Variants in NRG3 observed in about 807,000 individuals in gnomAD.
NRG3 encodes neuregulin 3, also known as pro-neuregulin-3, membrane-bound isoform.
Under a neutral mutation model 66.9 loss-of-function variants are expected in NRG3, and 31 were observed. The observed-to-expected ratio is 0.46, with a 90% confidence interval of 0.35 to 0.63. The LOEUF (loss-of-function observed/expected upper bound fraction) is 0.63, where lower values mean the gene tolerates loss of function less well. Ranked by LOEUF, NRG3 falls within the 20% of genes least tolerant of loss-of-function variation. NRG3 has a pLI of 0.00. For synonymous variants in NRG3, 393 were observed against 359.4 expected (o/e 1.09, Z -1.06); for missense variants, 910 against 878.9 (o/e 1.04, Z -0.45).
chr10:82,709,432 A>T (rs1265480893), intron 2 of NRG3, among the ~76,000 whole-genome samples: 3 of 151,496 alleles, frequency 2.0e-5, no homozygotes, highest in African/African-American at 7.3e-5. Context: ...ACCAGGCTGG[A>T]GTGCTGTGGC....
At chr10:82,871,301 A>G (rs189803655) in intron 4 of NRG3, among the ~76,000 whole-genome samples, 2 of 149,740 alleles carry the variant, frequency 1.3e-5, no homozygotes, top group East Asian at 2.0e-4. Context: ...TTTTTTGCCA[A>G]TACTATACTA....
intron 1 of NRG3, among the ~76,000 whole-genome samples, chr10:82,083,446 G>A (rs942391944): frequency 6.6e-6 from 1 of 152,164 alleles, no homozygotes; most frequent in East Asian, 1.9e-4. Context: ...GCTCATACCT[G>A]GGGATACAGA....
At chr10:82,231,162 G>T (rs919270212) in intron 1 of NRG3, among the ~76,000 whole-genome samples, 2 of 152,092 alleles carry the variant, frequency 1.3e-5, no homozygotes, top group Non-Finnish European at 2.9e-5. Flanking sequence ...GGCCAATATG[G>T]TGAAACCCCG....
chr10:82,550,242 A>C (rs1477678728), intron 2 of NRG3, among the ~76,000 whole-genome samples: 1 of 152,164 alleles, frequency 6.6e-6, no homozygotes, highest in Non-Finnish European at 1.5e-5. Flanking sequence ...AACATTTAAA[A>C]AATTTTTCCT....
In NRG3 at chr10:81,963,125, C is replaced by CCT. The variant is rs2059586479; in HGVS notation, c.823+86962_823+86963insCT. 4.3e-5 allele frequency among the ~76,000 whole-genome samples: 3 copies of CCT among 70,122 alleles called. 1 individual carries two copies. Among genetic ancestry groups the CCT allele is most frequent in the African/African-American group, 1.9e-4 (3 of 15,646 alleles). 46.0% of individuals were successfully genotyped at this position (70,122 alleles called of 152,430 possible). A position where few individuals can be genotyped will look rare whatever the true frequency, so the allele number is the denominator to read the frequency against. On this transcript the variant is annotated intron_variant, in intron 1 of 8. Transcript: ENST00000372141. ...GAAAATATGATCTGCCACGAGGGCT[C>CCT]TTTTTTTTTTTTTTTTTTTTTTTTT...
intron 1 of NRG3, among the ~76,000 whole-genome samples, chr10:81,984,688 CTA>C: frequency 6.6e-6 from 1 of 152,258 alleles, no homozygotes; most frequent in South Asian, 2.1e-4. Flanking sequence ...GCATTATCTT[CTA>C]TGTTTCAAAG....
chr10:81,884,673 A>G (rs1265342271), intron 1 of NRG3, among the ~76,000 whole-genome samples: 1 of 152,182 alleles, frequency 6.6e-6, no homozygotes, highest in Non-Finnish European at 1.5e-5. Context: ...CTTAGGTTAT[A>G]TGCAAATACC....
chr10:82,302,775 C>T (rs2080476087), intron 1 of NRG3, among the ~76,000 whole-genome samples: 1 of 152,138 alleles, frequency 6.6e-6, no homozygotes, highest in Non-Finnish European at 1.5e-5. Context: ...CAAGAAAGGA[C>T]GTTTGCCCCA....
At chr10:82,377,155 A>C (rs1253661835) in intron 2 of NRG3, among the ~76,000 whole-genome samples, 1 of 151,936 alleles carries the variant, frequency 6.6e-6, no homozygotes, top group Non-Finnish European at 1.5e-5. Context: ...TTTTTCTTTA[A>C]TAGTGAATGC....
chr10:82,113,735 G>A (rs1256050827), intron 1 of NRG3, among the ~76,000 whole-genome samples: 1 of 152,142 alleles, frequency 6.6e-6, no homozygotes, highest in African/African-American at 2.4e-5. Flanking sequence ...CACTAGGTAA[G>A]ATGTTAATTT....
chr10:82,258,664 C>T (rs2077862424), intron 1 of NRG3, among the ~76,000 whole-genome samples: 1 of 152,186 alleles, frequency 6.6e-6, no homozygotes, highest in South Asian at 2.1e-4. Context: ...CGAGTGCCAG[C>T]ATTCAAACAG....
chr10:82,602,090 T>C (rs964181867), intron 2 of NRG3, among the ~76,000 whole-genome samples: 17 of 151,386 alleles, frequency 1.1e-4, no homozygotes, highest in African/African-American at 3.6e-4. Context: ...CTCTAAAAAA[T>C]AAATAAACAA....
intron 1 of NRG3, among the ~76,000 whole-genome samples, chr10:81,982,073 T>G (rs2060350462): frequency 6.6e-6 from 1 of 152,206 alleles, no homozygotes; most frequent in South Asian, 2.1e-4. Context: ...TGCTTTTTGC[T>G]TAACAATTTC....
intron 2 of NRG3, among the ~76,000 whole-genome samples, chr10:82,441,395 A>C (rs1310029905): frequency 2.0e-5 from 3 of 152,246 alleles, no homozygotes; most frequent in African/African-American, 7.2e-5. Context: ...GTACTGCGGT[A>C]GAAACAACAT....
At chr10:82,216,573 G>GTGTGT (rs1564673798) in intron 1 of NRG3, among the ~76,000 whole-genome samples, 27 of 119,446 alleles carry the variant, frequency 2.3e-4, no homozygotes, top group South Asian at 1.8e-3. Flanking sequence ...TATATATCTG[G>GTGTGT]GTGTGTGTGT....
intron 1 of NRG3, among the ~76,000 whole-genome samples, chr10:81,953,003 C>T (rs955081210): frequency 2.0e-5 from 3 of 152,120 alleles, no homozygotes; most frequent in Non-Finnish European, 4.4e-5. Context: ...GCAGCAGGCC[C>T]TGCAAGTTGG....
intron 1 of NRG3, among the ~76,000 whole-genome samples, chr10:82,271,025 G>A (rs1366441044): frequency 6.6e-6 from 1 of 152,136 alleles, no homozygotes; most frequent in East Asian, 1.9e-4. Context: ...ATCATAATAG[G>A]CAATGAAAAT....
At chr10:82,027,756 C>G (rs770460601) in intron 1 of NRG3, among the ~76,000 whole-genome samples, 2 of 152,088 alleles carry the variant, frequency 1.3e-5, no homozygotes, top group Admixed American at 6.6e-5. Flanking sequence ...GGATTGCAGT[C>G]TCTCTTCAGT....
intron 1 of NRG3, among the ~76,000 whole-genome samples, chr10:82,184,189 A>G (rs529216440): frequency 1.3e-5 from 2 of 152,272 alleles, no homozygotes; most frequent in South Asian, 2.1e-4. Context: ...TATTATTTAC[A>G]CTTTTCACTG....
Sources: gnomAD v4.1 joint callset for allele counts (sites outside exome capture counted in the v4.1 genomes callset) on GRCh38, gnomAD v4.1.1 for gene constraint, MANE v1.5 for transcripts, NCBI Gene and HGNC (gene_info 2026-07-23, HGNC 2026-07-21) for gene names.